The following USP45 variants were observed in gnomAD, a reference collection of about 807,000 sequenced individuals.
USP45 encodes the protein ubiquitin carboxyl-terminal hydrolase 45.
In USP45, 89 loss-of-function variants were observed where a neutral mutation model predicts 95.8. That is an observed-to-expected ratio of 0.93 (90% CI 0.78 to 1.11). The LOEUF (loss-of-function observed/expected upper bound fraction) is 1.11, where lower values mean the gene tolerates loss of function less well. USP45 is among the 50% of genes least tolerant of loss of function. The pLI is 0.00. For missense variants in USP45, 898 were observed against 942.5 expected (o/e 0.95, Z 0.62); for synonymous variants, 281 against 316.2 (o/e 0.89, Z 1.18).
intron 9 of USP45, among the ~76,000 whole-genome samples, chr6:99,475,547 C>T (rs1157912536): frequency 6.6e-6 from 1 of 151,986 alleles, no homozygotes; most frequent in Non-Finnish European, 1.5e-5. Context: ...AACTCCTGAC[C>T]TCAGGTGATC....
At chr6:99,451,585 T>G (rs1783848476) in intron 13 of USP45, among the ~76,000 whole-genome samples, 1 of 152,134 alleles carries the variant, frequency 6.6e-6, no homozygotes, top group African/African-American at 2.4e-5. Context: ...GAATCAATAT[T>G]GTGAAAATGG....
chr6:99,479,944 A>G (rs1185631310), intron 8 of USP45, among the ~76,000 whole-genome samples: 1 of 152,232 alleles, frequency 6.6e-6, no homozygotes, highest in Non-Finnish European at 1.5e-5. Flanking sequence ...AAAATGATAC[A>G]GATTGGAAAG....
At chr6:99,517,595 T>C (rs1037622822), upstream of USP45, among the ~76,000 whole-genome samples, 5 of 130,592 alleles carry the variant, frequency 3.8e-5, no homozygotes, top group African/African-American at 1.4e-4. Flanking sequence ...CCACCACACA[T>C]AGCTAATTTT....
chr6:99,508,327 C>T (rs1583474120), intron 3 of USP45, among the ~76,000 whole-genome samples: 2 of 152,078 alleles, frequency 1.3e-5, no homozygotes, highest in South Asian at 2.1e-4. Flanking sequence ...GATCCATTTC[C>T]TAAGTAAATA....
intron 10 of USP45, 93 bp downstream of exon 10, chr6:99,468,444 G>A (rs1484314671): frequency 2.4e-6 from 2 of 831,952 alleles, no homozygotes; most frequent in Non-Finnish European, 3.8e-6. Context: ...TACTTTGGTG[G>A]ATTAGTTCAC....
chr6:99,488,355 G>T, intron 6 of USP45, 60 bp from the exon 7 acceptor site: 1 of 1,084,022 alleles, frequency 9.2e-7, no homozygotes, highest in South Asian at 1.5e-5. Flanking sequence ...TGATTTTATG[G>T]AATACACTCT....
rs1207330036 is a variant in USP45, at chr6:99,434,750, AT to A, written c.*965del. 3 of 152,192 alleles carry A rather than the reference AT, an allele frequency of 2.0e-5. No homozygotes were observed. In the East Asian group the frequency reaches 5.8e-4, roughly 29 times the overall value. The allele number at this position is 152,192 out of a possible 1,614,324, so 9.4% of individuals were successfully genotyped here. ...TATATATTTTTCTGTTAAGAATATA[AT>A]TCTCTATCATTTACAAATATAATTT... On this transcript the variant is annotated 3_prime_UTR_variant, in exon 18 of 18. Coordinates refer to ENST00000500704, the MANE Select transcript of USP45 (RefSeq NM_001346022.3).
chr6:99,473,219 G>T (rs1361946705), intron 9 of USP45, among the ~76,000 whole-genome samples: 1 of 151,942 alleles, frequency 6.6e-6, no homozygotes, highest in Non-Finnish European at 1.5e-5. Context: ...TGCGTTTAAG[G>T]TTAAGCACAT....
intron 9 of USP45, among the ~76,000 whole-genome samples, chr6:99,473,777 A>AACACACACACACACACACACACAC (rs60031754): frequency 0.086 from 10,953 of 127,384 alleles, 666 homozygotes; most frequent in Middle Eastern, 0.11. Flanking sequence ...AAAAAAACAA[A>AACACACACACACACACACACACAC]ACACACACAC....
intron 5 of USP45, among the ~76,000 whole-genome samples, chr6:99,490,910 A>C (rs1031612531): frequency 1.3e-5 from 2 of 152,224 alleles, no homozygotes; most frequent in African/African-American, 4.8e-5. Flanking sequence ...TTCATGGAAA[A>C]AAGTTTTCTT....
intron 15 of USP45, among the ~76,000 whole-genome samples, chr6:99,443,290 G>A (rs180778056): frequency 1.3e-3 from 194 of 152,234 alleles, no homozygotes; most frequent in African/African-American, 4.3e-3. Flanking sequence ...GAGCCACCGT[G>A]CCCAGCCACA....
chr6:99,488,432 T>C, intron 6 of USP45, 137 bp from the exon 7 acceptor site: 1 of 692,784 alleles, frequency 1.4e-6, no homozygotes, highest in Non-Finnish European at 2.3e-6. Context: ...GAGTACATTT[T>C]ACATTTAGTA....
Position 99,489,579 on chromosome 6 carries a change from A to G in USP45, c.479-759T>C, listed in dbSNP as rs544787801. On this transcript the variant is annotated intron_variant, in intron 5 of 17. Coordinates refer to ENST00000500704, the MANE Select transcript of USP45 (RefSeq NM_001346022.3). ...AACAGAACCACACTGTAATACAAAA[A>G]GTAAAATACCTAAGTATATGACACA... Among the ~76,000 whole-genome samples the G allele has an allele frequency of 2.1e-4, 32 of 152,358 alleles. 1 individual carries two copies. In the Middle Eastern group the frequency reaches 0.01, roughly 49 times the overall value.
chr6:99,479,800 G>A (rs1298494969), intron 8 of USP45, among the ~76,000 whole-genome samples: 1 of 152,178 alleles, frequency 6.6e-6, no homozygotes, highest in Non-Finnish European at 1.5e-5. Context: ...TTTAATATCA[G>A]GAATAAGGCA....
chr6:99,438,621 G>A (rs1422293058), intron 16 of USP45, among the ~76,000 whole-genome samples: 2 of 152,170 alleles, frequency 1.3e-5, no homozygotes, highest in Non-Finnish European at 2.9e-5. Context: ...TCACATTTAT[G>A]AGACAATTGA....
intron 5 of USP45, among the ~76,000 whole-genome samples, chr6:99,494,704 G>A (rs1255080032): frequency 6.6e-6 from 1 of 152,104 alleles, no homozygotes; most frequent in Non-Finnish European, 1.5e-5. Flanking sequence ...GACCAGCCTG[G>A]CCAACATGGT....
In USP45 at chr6:99,505,137, C is replaced by G. The variant is rs536109172; in HGVS notation, c.378-1272G>C. Among the ~76,000 whole-genome samples the G allele has an allele frequency of 5.5e-4, 83 of 152,124 alleles. 1 individual carries two copies. Among genetic ancestry groups the G allele is most frequent in the Non-Finnish European group, 1.1e-3 (73 of 68,020 alleles). On this transcript the variant is annotated intron_variant, in intron 4 of 17. Transcript: ENST00000500704. ...ATTACATATAGAGATAGGTAAGACTCAAAGAAATAGCTGTTCTATTTTGCT... is the reference window on the plus strand; with the variant it reads ...ATTACATATAGAGATAGGTAAGACTGAAAGAAATAGCTGTTCTATTTTGCT...
intron 15 of USP45, 49 bp from the exon 16 acceptor site, chr6:99,439,904 A>G (rs775190855): frequency 1.4e-6 from 2 of 1,463,630 alleles, no homozygotes; most frequent in Non-Finnish European, 1.9e-6. Flanking sequence ...GAAATAAAGC[A>G]TTGTCTTTGT....
At chr6:99,464,994 A>G in intron 12 of USP45, 86 bp downstream of exon 12, 1 of 1,159,738 alleles carries the variant, frequency 8.6e-7, no homozygotes, top group Non-Finnish European at 1.2e-6. Flanking sequence ...TGACTCTCAG[A>G]TATCTGGTAA....
Sources: gnomAD v4.1 joint callset for allele counts (sites outside exome capture counted in the v4.1 genomes callset) on GRCh38, gnomAD v4.1.1 for gene constraint, MANE v1.5 for transcripts, NCBI Gene and HGNC (gene_info 2026-07-23, HGNC 2026-07-21) for gene names.